The following STON2 variants were observed in gnomAD, a reference collection of about 807,000 sequenced individuals.
STON2 encodes the protein stonin 2, also known as stonin-2.
Under a neutral mutation model 65.7 loss-of-function variants are expected in STON2, and 29 were observed. The ratio of observed to expected loss-of-function variants is 0.44; its 90% CI spans 0.33 to 0.60. The LOEUF (loss-of-function observed/expected upper bound fraction) is 0.60. Among genes scored for constraint, STON2 ranks in the 20% least tolerant of loss-of-function variants. The pLI, the probability that STON2 is intolerant of heterozygous loss-of-function variation, is 0.03. For synonymous variants in STON2, 404 were observed against 414.2 expected, an observed-to-expected ratio of 0.98 and a Z score of 0.30; for missense variants, 1,054 against 1,118.1, an observed-to-expected ratio of 0.94 and a Z score of 0.82.
In STON2 at chr14:81,267,636, T is replaced by C. The variant is rs1418339863; in HGVS notation, c.*778A>G. On this transcript the variant is annotated 3_prime_UTR_variant, in exon 8 of 8. Coordinates refer to ENST00000614646, the MANE Select transcript of STON2 (RefSeq NM_001394390.1). ...GAACTGAACATCATCTTATATTTAA[T>C]GTCTCTTTTCTCCAAAATGAAGAAA... The C allele has an allele frequency of 6.1e-6, 6 of 985,310 alleles. No individual in the cohort carries two copies. Among genetic ancestry groups the C allele is most frequent in the Non-Finnish European group, 6.0e-6 (5 of 829,918 alleles). 61.0% of individuals were successfully genotyped at this position (985,310 alleles called of 1,614,324 possible).
intron 2 of STON2, among the ~76,000 whole-genome samples, chr14:81,425,571 CAA>C (rs891503250): frequency 2.8e-5 from 4 of 142,026 alleles, no homozygotes; most frequent in Admixed American, 7.0e-5. Context: ...ACTCTGCCAT[CAA>C]AAAAAAAAAA....
rs560835764 is a variant in STON2 at position 81,295,872 on chromosome 14, G to A, written c.743-17133C>T. 1.2e-3 allele frequency among the ~76,000 whole-genome samples: 189 copies of A among 152,172 alleles called. 5 individuals carry two copies. The highest frequency in any genetic ancestry group is 1.0e-3 in the Non-Finnish European group (68 of 68,034). ...TATGTTAGAAAATTTGGAAGGTGCA[G>A]AAGCACATAAAAAGCACCTAAATCC... is the stretch of plus-strand genomic sequence containing the variant. On this transcript the variant is annotated intron_variant, in intron 5 of 7. Coordinates refer to ENST00000614646, the MANE Select transcript of STON2 (RefSeq NM_001394390.1).
chr14:81,264,307 T>C lies in STON2; in HGVS notation c.*4107A>G. 1 of 985,484 alleles carries C rather than the reference T, an allele frequency of 1.0e-6. No homozygotes were observed. Among genetic ancestry groups the C allele is most frequent in the Non-Finnish European group, 1.2e-6 (1 of 829,942 alleles). 61.0% of individuals were successfully genotyped at this position (985,484 alleles called of 1,614,324 possible). ...GGAGTAAAAGGAAAGCAAAATTATTTAAGTCCTTCAGGAAATAAAAGCATG... is the reference window on the plus strand; with the variant it reads ...GGAGTAAAAGGAAAGCAAAATTATTCAAGTCCTTCAGGAAATAAAAGCATG... On this transcript the variant is annotated 3_prime_UTR_variant, in exon 8 of 8. Transcript: ENST00000614646.
At chr14:81,298,380 A>G (rs1250327731) in intron 5 of STON2, among the ~76,000 whole-genome samples, 1 of 141,314 alleles carries the variant, frequency 7.1e-6, no homozygotes, top group African/African-American at 2.5e-5. Context: ...GGCTTCCTCT[A>G]GCTCCAGGCC....
chr14:81,419,524 T>C (rs1025518978), intron 2 of STON2, among the ~76,000 whole-genome samples: 2 of 152,208 alleles, frequency 1.3e-5, no homozygotes, highest in Non-Finnish European at 2.9e-5. Flanking sequence ...ATGGATCTTT[T>C]TCTACTAATG....
chr14:81,354,515 T>C (rs1237964876), intron 4 of STON2, among the ~76,000 whole-genome samples: 2 of 151,874 alleles, frequency 1.3e-5, no homozygotes, highest in Non-Finnish European at 2.9e-5. Flanking sequence ...GCTCCAACGA[T>C]GGGCCCAAAA....
intron 3 of STON2, among the ~76,000 whole-genome samples, chr14:81,390,981 T>C (rs963862660): frequency 6.6e-5 from 10 of 152,354 alleles, no homozygotes; most frequent in African/African-American, 2.4e-4. Flanking sequence ...TTCTTTCTGT[T>C]TCATCTTCAC....
Position 81,264,453 on chromosome 14 carries a change from G to A in STON2, c.*3961C>T. 1 of 985,404 alleles carries A rather than the reference G, an allele frequency of 1.0e-6. No individual in the cohort carries two copies. Among genetic ancestry groups the A allele is most frequent in the Non-Finnish European group, 1.2e-6 (1 of 829,936 alleles). The allele number at this position is 985,404 out of a possible 1,614,324, so 61.0% of individuals were successfully genotyped here. ...ACATACTCATTTTCCTTTATTTCAT[G>A]AGTATACGTTTGCCCTCCTGGCAAG... On this transcript the variant is annotated 3_prime_UTR_variant, in exon 8 of 8. Coordinates refer to ENST00000614646, the MANE Select transcript of STON2 (RefSeq NM_001394390.1).
At position 81,264,838 on chromosome 14, in the gene STON2, G is replaced by A. The variant is rs1894293299; in HGVS notation, c.*3576C>T. On this transcript the variant is annotated 3_prime_UTR_variant, in exon 8 of 8. Transcript: ENST00000614646. ...TACTATGTCTGCAAGAGCAGGCAAG[G>A]GGGATCATCTAATGGTCTCCCCACA... 2 of 985,288 alleles carry A rather than the reference G, an allele frequency of 2.0e-6. No individual in the cohort carries two copies. The highest frequency in any genetic ancestry group is 2.4e-6 in the Non-Finnish European group (2 of 829,904). The allele number at this position is 985,288 out of a possible 1,614,324, so 61.0% of individuals were successfully genotyped here. A position where few individuals can be genotyped will look rare whatever the true frequency, so the allele number is the denominator to read the frequency against.
At chr14:81,359,700 A>C (rs12434395) in intron 4 of STON2, among the ~76,000 whole-genome samples, 58,926 of 151,950 alleles carry the variant, frequency 0.39, 11,734 homozygotes, top group South Asian at 0.58. Context: ...ACAACTAATC[A>C]CAGAAATACA....
At chr14:81,354,962 G>A (rs964719954) in intron 4 of STON2, among the ~76,000 whole-genome samples, 3 of 151,824 alleles carry the variant, frequency 2.0e-5, no homozygotes, top group African/African-American at 4.8e-5. Context: ...GGAAGTTGCA[G>A]TGAGCAGAGA....
chr14:81,322,315 G>A (rs1048483892), intron 5 of STON2, among the ~76,000 whole-genome samples: 4 of 152,182 alleles, frequency 2.6e-5, no homozygotes, highest in South Asian at 2.1e-4. Context: ...TATCAGTGCC[G>A]TTAACTGCAT....
chr14:81,316,311 T>C (rs1050215418), intron 5 of STON2, among the ~76,000 whole-genome samples: 1 of 152,336 alleles, frequency 6.6e-6, no homozygotes, highest in East Asian at 1.9e-4. Flanking sequence ...AGGGCAGTAA[T>C]GAAGAAACTT....
At chr14:81,394,017 C>T (rs989742162) in intron 3 of STON2, among the ~76,000 whole-genome samples, 9 of 152,122 alleles carry the variant, frequency 5.9e-5, no homozygotes, top group African/African-American at 2.2e-4. Context: ...ATGGCAAAAT[C>T]CTGTCTCTAC....
chr14:81,273,564 A>T (rs867141655), intron 6 of STON2, among the ~76,000 whole-genome samples: 1 of 152,170 alleles, frequency 6.6e-6, no homozygotes, highest in Non-Finnish European at 1.5e-5. Flanking sequence ...CTTGGGATGA[A>T]GGTAGGAGGG....
chr14:81,313,827 AC>A, intron 5 of STON2, among the ~76,000 whole-genome samples: 1 of 147,942 alleles, frequency 6.8e-6, no homozygotes, highest in Non-Finnish European at 1.5e-5. Context: ...ACACACACAC[AC>A]ACACACACAC....
At chr14:81,315,674 C>T (rs1896592584) in intron 5 of STON2, among the ~76,000 whole-genome samples, 1 of 152,232 alleles carries the variant, frequency 6.6e-6, no homozygotes, top group Non-Finnish European at 1.5e-5. Flanking sequence ...TGGGAAGAAT[C>T]CCAAATTTTT....
chr14:81,412,870 C>T lies in STON2; in HGVS notation c.-199+14232G>A, dbSNP rs1448491738. On this transcript the variant is annotated intron_variant, in intron 2 of 8. Coordinates refer to the STON2 transcript ENST00000553821. ...ACATTAAAAGCTTTCTTCTTAGAGGCGCCACGGCTTCCATAGCGATGGCAG... is the reference window on the plus strand; with the variant it reads ...ACATTAAAAGCTTTCTTCTTAGAGGTGCCACGGCTTCCATAGCGATGGCAG... 2.1e-5 allele frequency: 11 copies of T among 535,910 alleles called. 1 individual carries two copies. Among genetic ancestry groups the T allele is most frequent in the East Asian group, 1.7e-4 (4 of 23,170 alleles). 33.2% of individuals were successfully genotyped at this position (535,910 alleles called of 1,614,324 possible).
At chr14:81,394,257 T>C (rs998327771) in intron 3 of STON2, among the ~76,000 whole-genome samples, 2 of 152,204 alleles carry the variant, frequency 1.3e-5, no homozygotes, top group African/African-American at 2.4e-5. Flanking sequence ...CAAATTATTA[T>C]GTAAAAATAT....
Sources: gnomAD v4.1 joint callset for allele counts (sites outside exome capture counted in the v4.1 genomes callset) on GRCh38, gnomAD v4.1.1 for gene constraint, MANE v1.5 for transcripts, NCBI Gene and HGNC (gene_info 2026-07-23, HGNC 2026-07-21) for gene names.